The following EVI5L variants were observed in gnomAD, a reference collection of about 807,000 sequenced individuals.
The protein encoded by EVI5L is ecotropic viral integration site 5 like.
A neutral mutation model predicts 106.1 loss-of-function variants in EVI5L; 30 were observed. That is an observed-to-expected ratio of 0.28 (90% CI 0.21 to 0.38). The LOEUF (loss-of-function observed/expected upper bound fraction) is 0.38. Among genes scored for constraint, EVI5L ranks in the 10% least tolerant of loss-of-function variants. The pLI is 1.00. For missense variants in EVI5L, 809 were observed against 1,098.0 expected (o/e 0.74, Z 3.72); for synonymous variants, 489 against 483.3 (o/e 1.01, Z -0.15).
chr19:7,852,847 C>G (rs1599572961), intron 8 of EVI5L: 1 of 529,318 alleles, frequency 1.9e-6, no homozygotes, highest in East Asian at 3.3e-5. Flanking sequence ...GCCACCACAT[C>G]CAGCATCTGC....
Position 7,858,605 on chromosome 19 carries a change from C to A in EVI5L, c.1374+274C>A. ...GCCTCAGCACGGAGGCCTCTGAAGA[C>A]CGGGCTGTCCCTGCAGGGTTTCCTC... On this transcript the variant is annotated intron_variant, in intron 13 of 19. Transcript: ENST00000538904. This position sits in a 1 kb window ranked among gnomAD's most constrained non-coding sequence, Gnocchi z 5.7. 2.0e-6 allele frequency: 1 copy of A among 492,902 alleles called. No individual in the cohort carries two copies. The highest frequency in any genetic ancestry group is 3.6e-6 in the Non-Finnish European group (1 of 277,440). The allele number at this position is 492,902 out of a possible 1,614,324, so 30.5% of individuals were successfully genotyped here.
rs868792275 is a variant in EVI5L, at chr19:7,830,351, C to G, written c.-78C>G. On this transcript the variant is annotated 5_prime_UTR_variant, in exon 1 of 20. Transcript: ENST00000538904. ...CGGCTCAGCCCGGGGCGGCGAGGCT[C>G]GGCACGGAGATGGCGGCGCGCTCGG... 6.6e-6 allele frequency: 1 copy of G among 151,272 alleles called. No homozygotes were observed. Among genetic ancestry groups the G allele is most frequent in the South Asian group, 1.8e-4 (1 of 5,606 alleles). 9.4% of individuals were successfully genotyped at this position (151,272 alleles called of 1,614,324 possible). A position where few individuals can be genotyped will look rare whatever the true frequency, so the allele number is the denominator to read the frequency against.
At chr19:7,831,557 A>C (rs114431494) in intron 1 of EVI5L, among the ~76,000 whole-genome samples, 1,641 of 151,982 alleles carry the variant, frequency 0.011, 26 homozygotes, top group African/African-American at 0.038. Context: ...CCCAGCACCT[A>C]CCCCTGTGGG....
chr19:7,836,479 G>A (rs1025857729), intron 1 of EVI5L, among the ~76,000 whole-genome samples: 2 of 152,278 alleles, frequency 1.3e-5, no homozygotes, highest in East Asian at 3.9e-4. Context: ...GCAGCACAGC[G>A]GGTGGATTTA....
chr19:7,851,309 G>A (rs1979237768), intron 6 of EVI5L, 125 bp from the exon 7 acceptor site: 1 of 1,187,762 alleles, frequency 8.4e-7, no homozygotes, highest in Admixed American at 2.5e-5. Context: ...GCACCAGGAA[G>A]GGAGCCTCAG....
At position 7,845,397 on chromosome 19, in the gene EVI5L, A is replaced by G. The variant is rs1208355442; in HGVS notation, c.-47-1099A>G. ...GCCCCCTGCTAGGGGTCCCCTGGCC[A>G]TCAGTCCCCACACAGGCCACAGCAG... On this transcript the variant is annotated intron_variant, in intron 1 of 19. Coordinates refer to ENST00000538904, the MANE Select transcript of EVI5L (RefSeq NM_001159944.3). The surrounding 1 kb of genome is among the most constrained non-coding windows in gnomAD (Gnocchi z 4.0). Among the ~76,000 whole-genome samples the G allele has an allele frequency of 6.6e-6, 1 of 152,106 alleles. No individual in the cohort carries two copies. The highest frequency in any genetic ancestry group is 1.5e-5 in the Non-Finnish European group (1 of 67,986).
intron 10 of EVI5L, among the ~76,000 whole-genome samples, chr19:7,854,174 C>T (rs1254622338): frequency 1.3e-5 from 2 of 149,092 alleles, no homozygotes; most frequent in African/African-American, 5.0e-5. Flanking sequence ...CCTGGCTACT[C>T]GGGAGGCTGA....
At position 7,857,097 on chromosome 19, in the gene EVI5L, C is replaced by T. The variant is rs759873615; in HGVS notation, c.1206C>T (p.Ser402=). 13 of 1,551,692 alleles carry T rather than the reference C, an allele frequency of 8.4e-6. No individual in the cohort carries two copies. The Admixed American group carries it at 9.8e-5, about 12-fold the overall frequency. The change falls in exon 12 of 20, where the codon AGC becomes AGT. Residue 402 remains serine, a synonymous_variant. Coordinates refer to ENST00000538904, the MANE Select transcript of EVI5L (RefSeq NM_001159944.3). This position sits in a 1 kb window ranked among gnomAD's most constrained non-coding sequence, Gnocchi z 4.5. ...GAACCCCCTTCGCCGGGTAGGAGAG[C>T]GCTGCTCTGGCTGATAGGTTAATCC... ...KQRIETLEKE[S]AALADRLIQG...
intron 8 of EVI5L, among the ~76,000 whole-genome samples, chr19:7,852,270 C>G (rs535017501): frequency 6.6e-6 from 1 of 152,348 alleles, no homozygotes; most frequent in East Asian, 1.9e-4. Context: ...GCCCCTGCCC[C>G]CTCCCCGCGT....
rs191263582 is a variant in EVI5L, at chr19:7,835,336, C to T, written c.-48+4955C>T. ...CAGCTTGGTTAACACAGTGAAACCCCGTCTCTACTAAAAATACAAAAATTA... is the reference window on the plus strand; with the variant it reads ...CAGCTTGGTTAACACAGTGAAACCCTGTCTCTACTAAAAATACAAAAATTA... On this transcript the variant is annotated intron_variant, in intron 1 of 19. Transcript: ENST00000538904. The surrounding 1 kb of genome is among the most constrained non-coding windows in gnomAD (Gnocchi z 4.1). 1.1e-4 allele frequency among the ~76,000 whole-genome samples: 17 copies of T among 151,496 alleles called. No individual in the cohort carries two copies. Among genetic ancestry groups the T allele is most frequent in the African/African-American group, 2.9e-4 (12 of 41,240 alleles).
In EVI5L at chr19:7,863,041, C is replaced by T; in HGVS notation, c.2017C>T (p.Gln673Ter). ...CATGGCTGCGGTGGCCGAGATGCGGCAGCGCATTGCCGAGCTGGAGATCCA... is the reference window on the plus strand; with the variant it reads ...CATGGCTGCGGTGGCCGAGATGCGGTAGCGCATTGCCGAGCTGGAGATCCA... ...DSMAAVAEMR[Q>*]RIAELEIQRE... is the part of the protein sequence containing the mutation. The change falls in exon 18 of 20, where the codon CAG becomes TAG. Residue 673 changes from glutamine (Q) to a stop codon, truncating the protein, a stop_gained. Coordinates refer to ENST00000538904, the MANE Select transcript of EVI5L (RefSeq NM_001159944.3). LOFTEE classifies it high-confidence loss of function. The surrounding 1 kb of genome is among the most constrained non-coding windows in gnomAD (Gnocchi z 7.7). 6.4e-7 allele frequency: 1 copy of T among 1,572,292 alleles called. No individual in the cohort carries two copies.
At position 7,857,228 on chromosome 19, in the gene EVI5L, G is replaced by C; in HGVS notation, c.1233+104G>C. On this transcript the variant is annotated intron_variant, in intron 12 of 19. Coordinates refer to ENST00000538904, the MANE Select transcript of EVI5L (RefSeq NM_001159944.3). This position sits in a 1 kb window ranked among gnomAD's most constrained non-coding sequence, Gnocchi z 4.5. ...CCTCTTCCCTGCCATTCTGCGGGCA[G>C]GCCTGGCGCCATGCATGGAGCAGCT... 1 of 1,475,024 alleles carries C rather than the reference G, an allele frequency of 6.8e-7. No homozygotes were observed. Among genetic ancestry groups the C allele is most frequent in the South Asian group, 1.2e-5 (1 of 82,442 alleles). The allele number at this position is 1,475,024 out of a possible 1,614,324, so 91.4% of individuals were successfully genotyped here. A position where few individuals can be genotyped will look rare whatever the true frequency, so the allele number is the denominator to read the frequency against.
Position 7,862,122 on chromosome 19 carries a change from G to C in EVI5L, c.1645G>C (p.Ala549Pro). The change falls in exon 16 of 20, where the codon GCC becomes CCC. Residue 549 changes from alanine to proline, a missense_variant and splice_region_variant. Coordinates refer to ENST00000538904, the MANE Select transcript of EVI5L (RefSeq NM_001159944.3). ...QLQELSDTWQ[A>P]HLARGGRWKE... is the part of the protein sequence containing the mutation. ...CCGGCTTCTCGGCTTCACCCCCCAGGCCCATCTGGCCCGCGGCGGCCGCTG... is the reference window on the plus strand; with the variant it reads ...CCGGCTTCTCGGCTTCACCCCCCAGCCCCATCTGGCCCGCGGCGGCCGCTG... 6.4e-7 allele frequency: 1 copy of C among 1,565,548 alleles called. No homozygotes were observed. Among genetic ancestry groups the C allele is most frequent in the African/African-American group, 1.3e-5 (1 of 74,426 alleles).
At chr19:7,832,292 G>A (rs1342729970) in intron 1 of EVI5L, among the ~76,000 whole-genome samples, 4 of 152,224 alleles carry the variant, frequency 2.6e-5, no homozygotes, top group Admixed American at 2.6e-4. Context: ...GGACTGCAGG[G>A]GGCGAGGAGC....
In EVI5L at chr19:7,860,675, C is replaced by T. The variant is rs199901235; in HGVS notation, c.1489C>T (p.Leu497Phe). 2 of 1,587,906 alleles carry T rather than the reference C, an allele frequency of 1.3e-6. No homozygotes were observed. The highest frequency in any genetic ancestry group is 3.6e-5 in the Admixed American group (2 of 56,316). The part of the protein sequence containing the change: ...GALREMQDKV[L>F]DMEKRNSSLP... ...CCTTCGGGAGATGCAGGACAAGGTT[C>T]TCGACATGGAAAAGGTGCAATGGGG... Residue 497 changes from leucine to phenylalanine, a missense_variant, in exon 14 of 20, where the codon CTC becomes TTC. Transcript: ENST00000538904.
At chr19:7,849,758 G>A (rs562525146) in intron 5 of EVI5L, among the ~76,000 whole-genome samples, 2 of 152,254 alleles carry the variant, frequency 1.3e-5, no homozygotes, top group Admixed American at 6.5e-5. Context: ...GCCAGCCCTG[G>A]GTTCAGGTCC....
In EVI5L at chr19:7,858,539, A is replaced by T. The variant is rs1979649588; in HGVS notation, c.1374+208A>T. On this transcript the variant is annotated intron_variant, in intron 13 of 19. Coordinates refer to ENST00000538904, the MANE Select transcript of EVI5L (RefSeq NM_001159944.3). This position sits in a 1 kb window ranked among gnomAD's most constrained non-coding sequence, Gnocchi z 5.7. ...GACATCCTGATATCCATTTCTTGCC[A>T]CCTCATAGTGTGTCTGCAGTATCTG... 1.5e-6 allele frequency: 1 copy of T among 663,834 alleles called. No individual in the cohort carries two copies. Among genetic ancestry groups the T allele is most frequent in the Non-Finnish European group, 2.5e-6 (1 of 400,322 alleles). The allele number at this position is 663,834 out of a possible 1,614,324, so 41.1% of individuals were successfully genotyped here.
In EVI5L at chr19:7,858,227, T is replaced by C; in HGVS notation, c.1270T>C (p.Tyr424His). The change falls in exon 13 of 20, where the codon TAC (tyrosine) becomes CAC (histidine). Residue 424 changes from tyrosine (Y) to histidine (H), a missense_variant. This residue lies in a region of EVI5L where 357 missense variants were observed against 588.1 expected (regional missense o/e 0.61). Coordinates refer to ENST00000538904, the MANE Select transcript of EVI5L (RefSeq NM_001159944.3). The surrounding 1 kb of genome is among the most constrained non-coding windows in gnomAD (Gnocchi z 5.7). ...ACGGGCGCAGGAGGCGGAGGAGAAC[T>C]ACGTCATCAAGCGGGAGCTGGCGGT... ...VTRAQEAEENYVIKRELAVVR... is the reference protein window; with the variant it reads ...VTRAQEAEENHVIKRELAVVR... The C allele has an allele frequency of 6.4e-7, 1 of 1,568,354 alleles. No individual in the cohort carries two copies. The highest frequency in any genetic ancestry group is 8.6e-7 in the Non-Finnish European group (1 of 1,156,828).
At position 7,848,782 on chromosome 19, in the gene EVI5L, T is replaced by TA; in HGVS notation, c.328-132dup. 1.3e-6 allele frequency: 1 copy of TA among 746,230 alleles called. No homozygotes were observed. The highest frequency in any genetic ancestry group is 2.1e-6 in the Non-Finnish European group (1 of 469,752). The allele number at this position is 746,230 out of a possible 1,614,324, so 46.2% of individuals were successfully genotyped here. On this transcript the variant is annotated intron_variant, in intron 3 of 19. Coordinates refer to ENST00000538904, the MANE Select transcript of EVI5L (RefSeq NM_001159944.3). This position sits in a 1 kb window ranked among gnomAD's most constrained non-coding sequence, Gnocchi z 4.8. Reference sequence around the variant, plus strand: ...AGACCCTGTCTCTGAAAAAAGGGGGTAAAAAAAGGATTGGGGACCATGAGT... The same window carrying TA: ...AGACCCTGTCTCTGAAAAAAGGGGGTAAAAAAAAGGATTGGGGACCATGAGT...
Sources: gnomAD v4.1 joint callset for allele counts (sites outside exome capture counted in the v4.1 genomes callset) on GRCh38, gnomAD v4.1.1 for gene constraint, gnomAD v4.1.1 regional missense constraint, Gnocchi (gnomAD v3.1) non-coding constraint, MANE v1.5 for transcripts, NCBI Gene and HGNC (gene_info 2026-07-23, HGNC 2026-07-21) for gene names.